The following PLXNA1 variants were observed in gnomAD, a reference collection of about 807,000 sequenced individuals.
The protein encoded by PLXNA1 is plexin-A1.
A neutral mutation model predicts 191.7 loss-of-function variants in PLXNA1; 77 were observed. That is an observed-to-expected ratio of 0.40 (90% CI 0.33 to 0.49). The LOEUF is 0.49. PLXNA1 is among the 20% of genes least tolerant of loss of function. The pLI is 0.63. For missense variants in PLXNA1, 2,110 were observed against 2,660.2 expected (o/e 0.79, Z 4.55); for synonymous variants, 1,137 against 1,156.4 (o/e 0.98, Z 0.34).
At chr3:126,989,996 C>T (rs982715680) in intron 2 of PLXNA1, among the ~76,000 whole-genome samples, 14 of 152,232 alleles carry the variant, frequency 9.2e-5, no homozygotes, top group African/African-American at 3.1e-4. Context: ...AAAGGCTGCT[C>T]CCAGCCATGA....
intron 9 of PLXNA1, among the ~76,000 whole-genome samples, chr3:127,008,799 C>T (rs1019875615): frequency 2.0e-5 from 3 of 152,146 alleles, no homozygotes; most frequent in Non-Finnish European, 4.4e-5. Context: ...GGTCCCTTCT[C>T]ACAGAGGTCC....
chr3:126,997,743 G>C (rs1057467909), intron 3 of PLXNA1, among the ~76,000 whole-genome samples: 4 of 152,254 alleles, frequency 2.6e-5, no homozygotes, highest in African/African-American at 7.2e-5. Flanking sequence ...AGCTGGTGGT[G>C]TGCGAGGGTG....
At position 127,035,614 on chromosome 3, in the gene PLXNA1, T is replaced by G. The variant is rs2079237599; in HGVS notation, c.*1597T>G. On this transcript the variant is annotated 3_prime_UTR_variant, in exon 32 of 32. Transcript: ENST00000393409. ...TAGACCCTTTTTTATGTTTTTTAAT[T>G]AATCAGTCACTTGTAAAAGCAAACA... is the stretch of plus-strand genomic sequence containing the variant. The G allele has an allele frequency of 6.6e-6, 1 of 152,638 alleles. No individual in the cohort carries two copies. The highest frequency in any genetic ancestry group is 2.4e-5 in the African/African-American group (1 of 41,458). The allele number at this position is 152,638 out of a possible 1,614,324, so 9.5% of individuals were successfully genotyped here.
At chr3:126,995,939 T>A (rs369187275) in intron 3 of PLXNA1, among the ~76,000 whole-genome samples, 9 of 152,276 alleles carry the variant, frequency 5.9e-5, no homozygotes, top group African/African-American at 2.2e-4. Flanking sequence ...CCTGTGGCGG[T>A]CCCTGCACAG....
In PLXNA1 at chr3:127,015,228, A is replaced by C; in HGVS notation, c.2922A>C (p.Ser974=). Residue 974 remains serine, a synonymous_variant, in exon 15 of 32, where the codon TCA becomes TCC. Transcript: ENST00000393409. ...YRVSPSRGPL[S]GGTWIGIEGS... ...TGAGCCCCTCCCGTGGGCCTCTGTC[A>C]GGGGGCACCTGGATTGGCATCGAGG... 6.2e-7 allele frequency: 1 copy of C among 1,612,108 alleles called. No individual in the cohort carries two copies. The highest frequency in any genetic ancestry group is 8.5e-7 in the Non-Finnish European group (1 of 1,179,654).
chr3:127,000,899 C>T (rs1042627153), intron 3 of PLXNA1, among the ~76,000 whole-genome samples: 18 of 152,204 alleles, frequency 1.2e-4, no homozygotes, highest in Admixed American at 6.5e-5. Context: ...CCCAGTGCCC[C>T]GCTCACACTG....
intron 1 of PLXNA1, among the ~76,000 whole-genome samples, chr3:126,985,494 GC>G (rs1191300675): frequency 6.7e-6 from 1 of 148,786 alleles, no homozygotes; most frequent in Non-Finnish European, 1.5e-5. Flanking sequence ...CTCCTGTTCT[GC>G]CCCCCACCCC....
In PLXNA1 at chr3:127,014,639, G is replaced by T. The variant is rs756452199; in HGVS notation, c.2756+10G>T. ...ACATCAGTGCGGAGCAGTGAGTGCA[G>T]CCCTGGGTGTGTGCGGGGCGGGACG... On this transcript the variant is annotated intron_variant, in intron 13 of 31. Transcript: ENST00000393409. 1.2e-6 allele frequency: 2 copies of T among 1,609,796 alleles called. No homozygotes were observed. Among genetic ancestry groups the T allele is most frequent in the Middle Eastern group, 3.3e-4 (2 of 6,052 alleles).
chr3:127,032,886 C>T, intron 31 of PLXNA1, 50 bp downstream of exon 31: 5 of 1,582,704 alleles, frequency 3.2e-6, no homozygotes, highest in Non-Finnish European at 3.4e-6. Flanking sequence ...TTGCCGGCCC[C>T]TGCCAGAGTC....
chr3:127,032,301 T>C, intron 29 of PLXNA1, 86 bp from the exon 30 acceptor site: 1 of 1,375,588 alleles, frequency 7.3e-7, no homozygotes, highest in Non-Finnish European at 1.0e-6. Flanking sequence ...ATGCCCACTT[T>C]GGATTCGGAG....
intron 3 of PLXNA1, among the ~76,000 whole-genome samples, chr3:127,000,038 AG>A (rs1319461059): frequency 1.2e-4 from 18 of 151,254 alleles, no homozygotes; most frequent in Non-Finnish European, 7.4e-5. Context: ...GGTGCAGCCA[AG>A]GGGCATATCC....
intron 29 of PLXNA1, among the ~76,000 whole-genome samples, chr3:127,030,679 G>A (rs887541638): frequency 6.6e-6 from 1 of 152,238 alleles, no homozygotes; most frequent in Non-Finnish European, 1.5e-5. Context: ...GGCTCTGGGT[G>A]TGCACAGCTG....
rs1242611217 is a variant in PLXNA1 at position 127,025,236 on chromosome 3, CCCCTGAG to C, written c.4362+2423_4362+2429del. Among the ~76,000 whole-genome samples, 10 of 152,304 alleles carry C rather than the reference CCCCTGAG, an allele frequency of 6.6e-5. No homozygotes were observed. The East Asian group carries it at 1.9e-3, about 29-fold the overall frequency. ...TGAGCTCACTTGTCATCTCTCCCTC[CCCCTGAG>C]CCCTTGGCACCCGTTGATCTCATTG... is the stretch of plus-strand genomic sequence containing the variant. On this transcript the variant is annotated intron_variant, in intron 23 of 31. Transcript: ENST00000393409.
intron 28 of PLXNA1, 46 bp from the exon 29 acceptor site, chr3:127,030,197 G>A: frequency 6.2e-7 from 1 of 1,600,962 alleles, no homozygotes; most frequent in Non-Finnish European, 8.5e-7. Context: ...GGTGTAGGCA[G>A]CCAGGCAGCG....
rs777342672 is a variant in PLXNA1, at chr3:127,012,158, G to A, written c.2313G>A (p.Ser771=). ...CCAGCCTGCAGTGCCAGAATTCCTC[G>A]GTGAGGTGGCCAGGGCAGGGGCTGG... ...NSSSLQCQNS[S]YSYEGNDVSD... The change falls in exon 10 of 32, where the codon TCG becomes TCA. Residue 771 remains serine, a splice_region_variant and synonymous_variant. Transcript: ENST00000393409. 9.3e-6 allele frequency: 15 copies of A among 1,610,642 alleles called. No homozygotes were observed. Among genetic ancestry groups the A allele is most frequent in the Non-Finnish European group, 1.3e-5 (15 of 1,178,944 alleles).
At chr3:127,017,715 G>T (rs748705371) in intron 18 of PLXNA1, 34 bp from the exon 19 acceptor site, 3 of 1,613,080 alleles carry the variant, frequency 1.9e-6, no homozygotes, top group Non-Finnish European at 1.7e-6. Context: ...GAGGCCCCTC[G>T]TCCTGGGCTC....
At chr3:126,992,042 A>G (rs1325911016) in intron 3 of PLXNA1, among the ~76,000 whole-genome samples, 1 of 152,152 alleles carries the variant, frequency 6.6e-6, no homozygotes, top group Non-Finnish European at 1.5e-5. Flanking sequence ...GGGCAGGGCA[A>G]GGGTAGTGCC....
At chr3:127,005,346 G>T (rs553298543) in intron 7 of PLXNA1, 103 bp downstream of exon 7, 85 of 1,378,640 alleles carry the variant, frequency 6.2e-5, no homozygotes, top group Non-Finnish European at 8.1e-5. Flanking sequence ...CCAAGGGCAT[G>T]TTGGTGACAC....
chr3:127,034,088 G>A lies in PLXNA1; in HGVS notation c.*71G>A, dbSNP rs143110560. On this transcript the variant is annotated 3_prime_UTR_variant, in exon 32 of 32. Transcript: ENST00000393409. ...AGCAGGGACCGGGACAGCCCTCACC[G>A]CATGCGTGTGGAGTGTCCGGTGGTG... is the stretch of plus-strand genomic sequence containing the variant. 5.2e-5 allele frequency: 70 copies of A among 1,357,382 alleles called. No homozygotes were observed. The highest frequency in any genetic ancestry group is 4.9e-4 in the South Asian group (37 of 75,312). The allele number at this position is 1,357,382 out of a possible 1,614,324, so 84.1% of individuals were successfully genotyped here. A position where few individuals can be genotyped will look rare whatever the true frequency, so the allele number is the denominator to read the frequency against.
Sources: allele counts gnomAD v4.1 joint callset (sites outside exome capture counted in the v4.1 genomes callset), GRCh38; gene constraint gnomAD v4.1.1; transcripts MANE v1.5; gene names NCBI Gene and HGNC (gene_info 2026-07-23, HGNC 2026-07-21).